Variants in DNAL4 observed in about 807,000 individuals in gnomAD.
The protein encoded by DNAL4 is dynein light chain, outer arm 4.
Under a neutral mutation model 12.6 loss-of-function variants are expected in DNAL4, and 10 were observed. The ratio of observed to expected loss-of-function variants is 0.79; its 90% CI spans 0.49 to 1.34. The LOEUF is 1.34. Ranked by LOEUF, DNAL4 falls within the 40% of genes most tolerant of loss-of-function variation. DNAL4 has a pLI of 0.00. For missense variants in DNAL4, 128 were observed against 138.1 expected (o/e 0.93, Z 0.37); for synonymous variants, 46 against 53.1 (o/e 0.87, Z 0.58).
intron 3 of DNAL4, among the ~76,000 whole-genome samples, chr22:38,780,262 A>G (rs1048030704): frequency 4.6e-5 from 7 of 152,140 alleles, no homozygotes; most frequent in African/African-American, 1.7e-4. Flanking sequence ...CGTCTCAGTA[A>G]ATACATCCTC....
rs77826493 is a variant in DNAL4 at position 38,780,221 on chromosome 22, C to A, written c.154-608G>T. ...TACACCAACAGCGCCTCCCACCATG[C>A]CAGGTGCCATGCTGGGCACTCTGTC... On this transcript the variant is annotated intron_variant, in intron 3 of 3. Transcript: ENST00000216068. 5.5e-3 allele frequency among the ~76,000 whole-genome samples: 835 copies of A among 152,334 alleles called. 13 individuals are homozygous for A. Among genetic ancestry groups the A allele is most frequent in the African/African-American group, 0.019 (802 of 41,570 alleles).
At chr22:38,780,844 C>T in intron 3 of DNAL4, 82 bp downstream of exon 3, 1 of 1,405,140 alleles carries the variant, frequency 7.1e-7, no homozygotes. Context: ...TGTCTGGAGC[C>T]AACTGCAGGG....
At chr22:38,781,333 C>T (rs976010027) in intron 2 of DNAL4, among the ~76,000 whole-genome samples, 3 of 152,238 alleles carry the variant, frequency 2.0e-5, no homozygotes, top group African/African-American at 7.2e-5. Flanking sequence ...CGGAATCTCA[C>T]CCCGGAGGCC....
chr22:38,791,463 C>T (rs147934242), intron 1 of DNAL4, among the ~76,000 whole-genome samples: 1,677 of 151,160 alleles, frequency 0.011, 31 homozygotes, highest in African/African-American at 0.038. Context: ...AAGCGATTCT[C>T]CTGCCTCAGC....
At chr22:38,784,985 C>CCCG (rs916672424) in intron 1 of DNAL4, among the ~76,000 whole-genome samples, 8 of 150,548 alleles carry the variant, frequency 5.3e-5, no homozygotes, top group African/African-American at 2.0e-4. Flanking sequence ...ACCCCCCCCC[C>CCCG]CATCCAATGA....
At chr22:38,789,117 G>T (rs1216228742) in intron 1 of DNAL4, among the ~76,000 whole-genome samples, 1 of 152,170 alleles carries the variant, frequency 6.6e-6, no homozygotes, top group East Asian at 1.9e-4. Context: ...CATACAGGAT[G>T]TCCCTCCCCC....
chr22:38,793,387 T>A (rs1195903499), intron 1 of DNAL4, among the ~76,000 whole-genome samples: 2 of 152,226 alleles, frequency 1.3e-5, no homozygotes, highest in Non-Finnish European at 1.5e-5. Context: ...CCAAAGGAGA[T>A]GCACCGACGT....
Position 38,779,300 on chromosome 22 carries a change from C to A in DNAL4, c.*149G>T. 1 of 1,051,968 alleles carries A rather than the reference C, an allele frequency of 9.5e-7. No homozygotes were observed. The allele number at this position is 1,051,968 out of a possible 1,614,324, so 65.2% of individuals were successfully genotyped here. A position where few individuals can be genotyped will look rare whatever the true frequency, so the allele number is the denominator to read the frequency against. ...GGGATGGAGATGTCAAGTTCACACA[C>A]TGGGCGTGGCTCAGGAAACTGGTAC... On this transcript the variant is annotated 3_prime_UTR_variant, in exon 4 of 4. Coordinates refer to ENST00000216068, the MANE Select transcript of DNAL4 (RefSeq NM_005740.3). The surrounding 1 kb of genome is among the most constrained non-coding windows in gnomAD (Gnocchi z 4.3).
chr22:38,780,164 G>A (rs934891185), intron 3 of DNAL4, among the ~76,000 whole-genome samples: 3 of 152,288 alleles, frequency 2.0e-5, no homozygotes, highest in Admixed American at 1.3e-4. Context: ...ACCCCCGCTC[G>A]GCAGGGCGAG....
chr22:38,780,056 G>A (rs1162445693), intron 3 of DNAL4, among the ~76,000 whole-genome samples: 1 of 152,184 alleles, frequency 6.6e-6, no homozygotes, highest in African/African-American at 2.4e-5. Context: ...CTCTGGGGAG[G>A]CGCCGACTAC....
intron 2 of DNAL4, 33 bp from the exon 3 acceptor site, chr22:38,781,042 C>T (rs1239254552): frequency 1.2e-6 from 2 of 1,612,562 alleles, no homozygotes; most frequent in East Asian, 4.5e-5. Context: ...AAACAAGAGA[C>T]AGGCTTAGCC....
Position 38,779,333 on chromosome 22 carries a change from CA to C in DNAL4, c.*115del. On this transcript the variant is annotated 3_prime_UTR_variant, in exon 4 of 4. Coordinates refer to ENST00000216068, the MANE Select transcript of DNAL4 (RefSeq NM_005740.3). This position sits in a 1 kb window ranked among gnomAD's most constrained non-coding sequence, Gnocchi z 4.3. Reference sequence around the variant, plus strand: ...GGCTCAGGAAACTGGTACACAAAGACAAAAAGAAAAGACCCCAACTCTCCTT... The same window carrying C: ...GGCTCAGGAAACTGGTACACAAAGACAAAAGAAAAGACCCCAACTCTCCTT... 7.4e-7 allele frequency: 1 copy of C among 1,351,092 alleles called. No homozygotes were observed. The highest frequency in any genetic ancestry group is 1.5e-5 in the African/African-American group (1 of 67,936). 83.7% of individuals were successfully genotyped at this position (1,351,092 alleles called of 1,614,324 possible).
chr22:38,785,310 GCA>G (rs2093040655), intron 1 of DNAL4: 2 of 152,210 alleles, frequency 1.3e-5, no homozygotes, highest in Non-Finnish European at 2.9e-5. Flanking sequence ...AAGGAAAAGG[GCA>G]CACAGTTTGT....
In DNAL4 at chr22:38,779,102, T is replaced by G; in HGVS notation, c.*347A>C. The G allele has an allele frequency of 5.4e-6, 1 of 185,324 alleles. No individual in the cohort carries two copies. Among genetic ancestry groups the G allele is most frequent in the Non-Finnish European group, 1.1e-5 (1 of 90,126 alleles). The allele number at this position is 185,324 out of a possible 1,614,324, so 11.5% of individuals were successfully genotyped here. On this transcript the variant is annotated 3_prime_UTR_variant, in exon 4 of 4. Coordinates refer to ENST00000216068, the MANE Select transcript of DNAL4 (RefSeq NM_005740.3). The surrounding 1 kb of genome is among the most constrained non-coding windows in gnomAD (Gnocchi z 4.3). ...TGGCAGGGCAGTGGGGCTCCCAGGATGCAAGGGGAAGGCAGCCCTGGAGAA... is the reference window on the plus strand; with the variant it reads ...TGGCAGGGCAGTGGGGCTCCCAGGAGGCAAGGGGAAGGCAGCCCTGGAGAA...
Position 38,780,940 on chromosome 22 carries a change from A to T in DNAL4, c.139T>A (p.Ser47Thr). ...GCTGGCAATACCTCGTTGTTGTTGG[A>T]GAATTTCTCACAGGCTGTGACACAT... is the stretch of plus-strand genomic sequence containing the variant. ...ELCVTACEKF[S>T]NNNESAAKMI... Residue 47 changes from serine (S) to threonine (T), a missense_variant, in exon 3 of 4, where the codon TCC becomes ACC. Physicochemically the swap from Ser to Thr is moderately conservative, Grantham distance 58 (BLOSUM62 1). Coordinates refer to ENST00000216068, the MANE Select transcript of DNAL4 (RefSeq NM_005740.3). 6.2e-7 allele frequency: 1 copy of T among 1,614,238 alleles called. No individual in the cohort carries two copies. Among genetic ancestry groups the T allele is most frequent in the Non-Finnish European group, 8.5e-7 (1 of 1,180,026 alleles).
intron 1 of DNAL4, among the ~76,000 whole-genome samples, chr22:38,790,108 C>G (rs2146170258): frequency 6.6e-6 from 1 of 152,198 alleles, no homozygotes. Context: ...CCACTTCAGC[C>G]TCTCAAAAGT....
chr22:38,781,603 T>TCA (rs531480669), intron 2 of DNAL4, among the ~76,000 whole-genome samples: 5 of 152,178 alleles, frequency 3.3e-5, no homozygotes, highest in Non-Finnish European at 7.3e-5. Flanking sequence ...GACTACTCTG[T>TCA]CAAACTGGCC....
intron 3 of DNAL4, among the ~76,000 whole-genome samples, chr22:38,780,206 G>A (rs376276827): frequency 1.2e-4 from 18 of 152,320 alleles, no homozygotes; most frequent in South Asian, 6.2e-4. Flanking sequence ...TACACCAACA[G>A]CGCCTCCCAC....
At chr22:38,785,856 T>G (rs1231732644) in intron 1 of DNAL4, 3 of 152,246 alleles carry the variant, frequency 2.0e-5, no homozygotes, top group Non-Finnish European at 4.4e-5. Context: ...TTTGAAACGT[T>G]AAAGCTCTCT....
Sources: gnomAD v4.1 joint callset for allele counts (sites outside exome capture counted in the v4.1 genomes callset) on GRCh38, gnomAD v4.1.1 for gene constraint, Gnocchi (gnomAD v3.1) non-coding constraint, MANE v1.5 for transcripts, NCBI Gene and HGNC (gene_info 2026-07-23, HGNC 2026-07-21) for gene names.